Variants in GNB4 observed in about 807,000 individuals in gnomAD.
GNB4 encodes guanine nucleotide-binding protein subunit beta-4.
GNB4 carries 28 observed loss-of-function variants against 45.2 expected under a neutral mutation model. The observed-to-expected ratio is 0.62, with a 90% CI of 0.46 to 0.85. GNB4 has a LOEUF of 0.85. Ranked by LOEUF, GNB4 falls within the 40% of genes least tolerant of loss-of-function variation. The probability of loss-of-function intolerance (pLI) is 0.00; values close to 1 mark genes in which losing one functional copy is unlikely to be tolerated. For missense variants in GNB4, 321 were observed against 425.4 expected, an observed-to-expected ratio of 0.75 and a Z score of 2.16; for synonymous variants, 132 against 143.7, an observed-to-expected ratio of 0.92 and a Z score of 0.58.
chr3:179,437,560 C>G (rs1715488474), intron 1 of GNB4, among the ~76,000 whole-genome samples: 1 of 141,432 alleles, frequency 7.1e-6, no homozygotes, highest in South Asian at 2.3e-4. Context: ...GCAAGTCTAT[C>G]TCAAAAAAAA....
chr3:179,449,511 G>A (rs1715816776), intron 1 of GNB4, among the ~76,000 whole-genome samples: 1 of 152,190 alleles, frequency 6.6e-6, no homozygotes, highest in African/African-American at 2.4e-5. Context: ...TGGCTCAGGG[G>A]AAAGAACATG....
At chr3:179,458,616 T>C in the GNB4 span, among the ~76,000 whole-genome samples, 4 of 152,226 alleles carry the variant, frequency 2.6e-5, no homozygotes, top group Non-Finnish European at 5.9e-5. Context: ...TAAAATGGCA[T>C]GGTATTTGCA....
the GNB4 span, among the ~76,000 whole-genome samples, chr3:179,508,307 C>G: frequency 6.6e-6 from 1 of 152,150 alleles, no homozygotes; most frequent in Admixed American, 6.6e-5. Context: ...TGTAGATCCA[C>G]AGTGCCCCCA....
the GNB4 span, among the ~76,000 whole-genome samples, chr3:179,478,967 C>T: frequency 6.6e-5 from 10 of 152,288 alleles, no homozygotes; most frequent in East Asian, 1.5e-3. Context: ...TGCCTTCTGC[C>T]ATGATTGTAA....
intron 1 of GNB4, among the ~76,000 whole-genome samples, chr3:179,434,380 T>C (rs1364359811): frequency 6.6e-6 from 1 of 152,076 alleles, no homozygotes; most frequent in East Asian, 1.9e-4. Flanking sequence ...ATATCCCTTT[T>C]ATAAAACTCA....
At position 179,399,876 on chromosome 3, in the gene GNB4, T is replaced by G. The variant is rs562013574; in HGVS notation, c.*1337A>C. The G allele has an allele frequency of 2.6e-5, 4 of 152,332 alleles. No homozygotes were observed. The highest frequency in any genetic ancestry group is 5.9e-5 in the Non-Finnish European group (4 of 68,024). 9.4% of individuals were successfully genotyped at this position (152,332 alleles called of 1,614,324 possible). A position where few individuals can be genotyped will look rare whatever the true frequency, so the allele number is the denominator to read the frequency against. On this transcript the variant is annotated 3_prime_UTR_variant, in exon 10 of 10. Coordinates refer to ENST00000232564, the MANE Select transcript of GNB4 (RefSeq NM_021629.4). ...ATTATCAGTCATTTAGACTTATTTGTAAAAGAGAATCCAACAGGAAAAGTA... is the reference window on the plus strand; with the variant it reads ...ATTATCAGTCATTTAGACTTATTTGGAAAAGAGAATCCAACAGGAAAAGTA...
In GNB4 at chr3:179,428,699, T is replaced by C. The variant is rs181016913; in HGVS notation, c.-42-2457A>G. 3.3e-5 allele frequency among the ~76,000 whole-genome samples: 5 copies of C among 152,272 alleles called. No homozygotes were observed. In the East Asian group the frequency reaches 7.7e-4, roughly 23 times the overall value. Reference sequence around the variant, plus strand: ...TTATTACTATTATGGTTATTATTTGTAGAGATGGGGTTCTAGCTATATTGC... The same window carrying C: ...TTATTACTATTATGGTTATTATTTGCAGAGATGGGGTTCTAGCTATATTGC... On this transcript the variant is annotated intron_variant, in intron 1 of 9. Transcript: ENST00000232564.
the GNB4 span, among the ~76,000 whole-genome samples, chr3:179,466,457 GA>G: frequency 6.6e-6 from 1 of 152,200 alleles, no homozygotes; most frequent in East Asian, 1.9e-4. Context: ...GGCAGAAAGA[GA>G]AAGAACAGTT....
chr3:179,415,207 T>C (rs147726719), intron 5 of GNB4, among the ~76,000 whole-genome samples, 160 bp from the exon 6 acceptor site: 4 of 152,160 alleles, frequency 2.6e-5, no homozygotes, highest in Non-Finnish European at 5.9e-5. Context: ...CCATGAAAAA[T>C]ACAACACTAA....
At chr3:179,462,729 T>C in the GNB4 span, among the ~76,000 whole-genome samples, 1 of 151,990 alleles carries the variant, frequency 6.6e-6, no homozygotes, top group African/African-American at 2.4e-5. Context: ...TCCCAGCTAC[T>C]CGGGAGGCTG....
chr3:179,507,536 C>CA, the GNB4 span, among the ~76,000 whole-genome samples: 5 of 152,196 alleles, frequency 3.3e-5, no homozygotes, highest in Non-Finnish European at 7.3e-5. Flanking sequence ...TGTGACACTC[C>CA]AGGCATATTG....
At chr3:179,512,744 G>T in the GNB4 span, among the ~76,000 whole-genome samples, 1 of 152,170 alleles carries the variant, frequency 6.6e-6, no homozygotes, top group South Asian at 2.1e-4. Flanking sequence ...ATTGTGAAGT[G>T]TAATGAGCAT....
the GNB4 span, among the ~76,000 whole-genome samples, chr3:179,482,550 C>T: frequency 6.6e-6 from 1 of 151,938 alleles, no homozygotes; most frequent in Non-Finnish European, 1.5e-5. Flanking sequence ...TCTTTCCTTC[C>T]ATCTCATAAC....
the GNB4 span, among the ~76,000 whole-genome samples, chr3:179,503,059 C>A: frequency 1.3e-5 from 2 of 152,224 alleles, no homozygotes; most frequent in Admixed American, 1.3e-4. Flanking sequence ...CTCTCAAACG[C>A]CTGTCCTCAA....
At chr3:179,473,055 C>T in the GNB4 span, among the ~76,000 whole-genome samples, 2 of 152,020 alleles carry the variant, frequency 1.3e-5, no homozygotes, top group African/African-American at 2.4e-5. Context: ...CCCAGCTACT[C>T]GGGAGGCTGA....
the GNB4 span, among the ~76,000 whole-genome samples, chr3:179,480,166 G>A: frequency 1.3e-5 from 2 of 152,254 alleles, no homozygotes. Flanking sequence ...GGCCTCGCCA[G>A]ATGACAGTGC....
the GNB4 span, among the ~76,000 whole-genome samples, chr3:179,499,819 C>A: frequency 6.6e-6 from 1 of 152,178 alleles, no homozygotes; most frequent in South Asian, 2.1e-4. Flanking sequence ...ATTTGCATTT[C>A]TCTAATGACT....
At chr3:179,406,531 G>C (rs958642285) in intron 8 of GNB4, among the ~76,000 whole-genome samples, 1 of 152,068 alleles carries the variant, frequency 6.6e-6, no homozygotes, top group South Asian at 2.1e-4. Flanking sequence ...TTATATCTAG[G>C]TAATCTGCGT....
Position 179,415,002 on chromosome 3 carries a change from A to G in GNB4, c.313T>C (p.Tyr105His), listed in dbSNP as rs1184182206. Residue 105 changes from tyrosine to histidine, a missense_variant, in exon 6 of 10, where the codon TAT (tyrosine) becomes CAT (histidine). Physicochemically the swap from Tyr to His is moderately conservative, Grantham distance 83 (BLOSUM62 2). Coordinates refer to ENST00000232564, the MANE Select transcript of GNB4 (RefSeq NM_021629.4). ...GCAACATAATTACCAGAGGGAGCATAAGCACAGGTCATCACCCAGGAGGAC... is the reference window on the plus strand; with the variant it reads ...GCAACATAATTACCAGAGGGAGCATGAGCACAGGTCATCACCCAGGAGGAC... ...LRSSWVMTCA[Y>H]APSGNYVACG... The G allele has an allele frequency of 6.2e-7, 1 of 1,611,108 alleles. No individual in the cohort carries two copies. Among genetic ancestry groups the G allele is most frequent in the Admixed American group, 1.7e-5 (1 of 60,008 alleles).
Sources: allele counts gnomAD v4.1 joint callset (sites outside exome capture counted in the v4.1 genomes callset), GRCh38; gene constraint gnomAD v4.1.1; transcripts MANE v1.5; gene names NCBI Gene and HGNC (gene_info 2026-07-23, HGNC 2026-07-21).